Variants in THRB observed in about 807,000 individuals in gnomAD.
THRB encodes the protein nuclear receptor subfamily 1 group A member 2.
A neutral mutation model predicts 47.8 loss-of-function variants in THRB; 12 were observed. That is an observed-to-expected ratio of 0.25 (90% CI 0.16 to 0.41). The LOEUF (loss-of-function observed/expected upper bound fraction) is 0.41, where lower values mean the gene tolerates loss of function less well. Among genes scored for constraint, THRB ranks in the 10% least tolerant of loss-of-function variants. The pLI is 1.00. For synonymous variants in THRB, 218 were observed against 212.2 expected (o/e 1.03, Z -0.24); for missense variants, 348 against 589.2 (o/e 0.59, Z 4.24).
chr3:24,119,966 C>T lies in THRB; in HGVS notation c.*2918G>A, dbSNP rs2031374432. The T allele has an allele frequency of 6.6e-6, 1 of 152,182 alleles. No individual in the cohort carries two copies. 9.4% of individuals were successfully genotyped at this position (152,182 alleles called of 1,614,324 possible). On this transcript the variant is annotated 3_prime_UTR_variant, in exon 11 of 11. Transcript: ENST00000646209. ...ATCCCAGCATAATGGGTGTGTTCTC[C>T]TCTACTGAGACGTCTCCCTGCCGAG...
At chr3:24,218,899 A>G (rs897394308) in intron 4 of THRB, among the ~76,000 whole-genome samples, 3 of 152,194 alleles carry the variant, frequency 2.0e-5, no homozygotes, top group East Asian at 1.9e-4. Flanking sequence ...ATTAAAAATA[A>G]TAAGTATATA....
intron 3 of THRB, among the ~76,000 whole-genome samples, chr3:24,238,283 G>A (rs1397310663): frequency 2.4e-5 from 3 of 125,336 alleles, no homozygotes; most frequent in African/African-American, 8.7e-5. Context: ...GTGTGTGGGG[G>A]GGGGGGGGGT....
chr3:24,195,822 T>C (rs2043886341), intron 4 of THRB, among the ~76,000 whole-genome samples: 1 of 152,168 alleles, frequency 6.6e-6, no homozygotes, highest in Non-Finnish European at 1.5e-5. Flanking sequence ...TCCAAATCCT[T>C]ATATCACCAG....
intron 5 of THRB, among the ~76,000 whole-genome samples, chr3:24,186,635 G>A (rs989602335): frequency 3.9e-5 from 6 of 152,050 alleles, no homozygotes; most frequent in Admixed American, 1.3e-4. Flanking sequence ...AGAAGCATAG[G>A]TATATGCAGG....
intron 2 of THRB, among the ~76,000 whole-genome samples, chr3:24,333,153 C>T (rs1260242087): frequency 6.6e-6 from 1 of 152,056 alleles, no homozygotes; most frequent in Admixed American, 6.5e-5. Context: ...TATTTTCTAA[C>T]TTGTGAACAG....
intron 1 of THRB, among the ~76,000 whole-genome samples, chr3:24,393,823 G>A (rs572008729): frequency 6.6e-6 from 1 of 152,136 alleles, no homozygotes; most frequent in East Asian, 1.9e-4. Flanking sequence ...AGATGGATCT[G>A]ATGTGTCCAG....
At chr3:24,202,575 A>G (rs910230364) in intron 4 of THRB, among the ~76,000 whole-genome samples, 3 of 152,186 alleles carry the variant, frequency 2.0e-5, no homozygotes, top group Non-Finnish European at 4.4e-5. Context: ...TGAAGAATCA[A>G]TTTGTTTCTT....
intron 5 of THRB, among the ~76,000 whole-genome samples, chr3:24,172,030 T>C (rs954220549): frequency 6.6e-6 from 1 of 152,174 alleles, no homozygotes; most frequent in African/African-American, 2.4e-5. Context: ...ACATTAATGC[T>C]CCTCTCTTGG....
intron 1 of THRB, among the ~76,000 whole-genome samples, chr3:24,360,181 C>A (rs1300031799): frequency 6.6e-6 from 1 of 152,144 alleles, no homozygotes; most frequent in African/African-American, 2.4e-5. Flanking sequence ...GTGCTTTACA[C>A]ATGTTTATTA....
intron 1 of THRB, among the ~76,000 whole-genome samples, chr3:24,349,361 C>T (rs922964592): frequency 1.3e-5 from 2 of 151,600 alleles, no homozygotes; most frequent in South Asian, 4.2e-4. Flanking sequence ...TAAACTAATT[C>T]TAAGATATAT....
chr3:24,328,208 A>G (rs1237204042), intron 2 of THRB, among the ~76,000 whole-genome samples: 2 of 152,174 alleles, frequency 1.3e-5, no homozygotes, highest in African/African-American at 4.8e-5. Context: ...TTGTAAAATA[A>G]TTTTCCTATA....
intron 5 of THRB, among the ~76,000 whole-genome samples, 165 bp from the exon 6 acceptor site, chr3:24,152,655 T>C (rs2037152569): frequency 6.6e-6 from 1 of 151,250 alleles, no homozygotes; most frequent in African/African-American, 2.4e-5. Flanking sequence ...ACTCATAGAG[T>C]TAACATAGGC....
intron 5 of THRB, among the ~76,000 whole-genome samples, chr3:24,174,840 C>T (rs1185647327): frequency 1.3e-5 from 2 of 152,164 alleles, no homozygotes; most frequent in African/African-American, 2.4e-5. Flanking sequence ...GATAAGGAAA[C>T]TGAGACTCAG....
intron 3 of THRB, among the ~76,000 whole-genome samples, chr3:24,245,118 A>G (rs908383997): frequency 6.6e-6 from 1 of 152,192 alleles, no homozygotes; most frequent in Non-Finnish European, 1.5e-5. Flanking sequence ...GACTGCTGCT[A>G]TGTGTCTGGA....
At position 24,341,448 on chromosome 3, in the gene THRB, G is replaced by A. The variant is rs138451465; in HGVS notation, c.-260-4077C>T. Among the ~76,000 whole-genome samples, 693 of 152,012 alleles carry A rather than the reference G, an allele frequency of 4.6e-3. 7 individuals carry two copies. The highest frequency in any genetic ancestry group is 0.016 in the African/African-American group (666 of 41,468). ...TTTTGCCATGCATGTTGCCCAGGCT[G>A]GTCTCGAACTCCTGAGCTCAAGCGA... is the stretch of plus-strand genomic sequence containing the variant. On this transcript the variant is annotated intron_variant, in intron 1 of 10. Coordinates refer to ENST00000646209, the MANE Select transcript of THRB (RefSeq NM_001354712.2).
intron 8 of THRB, among the ~76,000 whole-genome samples, chr3:24,136,129 AAGG>A (rs2034642817): frequency 6.6e-6 from 1 of 152,048 alleles, no homozygotes; most frequent in African/African-American, 2.4e-5. Flanking sequence ...GATTTGAAAA[AAGG>A]AGAGAAAGTA....
intron 1 of THRB, chr3:24,494,016 C>G (rs1698605857): frequency 6.6e-6 from 1 of 152,404 alleles, no homozygotes; most frequent in Non-Finnish European, 1.5e-5. Flanking sequence ...CCAAGAGAAG[C>G]AAAGCGAAGG....
intron 3 of THRB, among the ~76,000 whole-genome samples, chr3:24,280,685 T>C (rs576443635): frequency 6.6e-6 from 1 of 152,046 alleles, no homozygotes; most frequent in East Asian, 1.9e-4. Context: ...GTTGAAAACT[T>C]TGAAAAAAAC....
At chr3:24,474,263 A>G (rs1015424745) in intron 1 of THRB, among the ~76,000 whole-genome samples, 1 of 152,234 alleles carries the variant, frequency 6.6e-6, no homozygotes, top group Non-Finnish European at 1.5e-5. Context: ...GAGCAAGTAC[A>G]GTACTCCTTC....
Sources: gnomAD v4.1 joint callset for allele counts (sites outside exome capture counted in the v4.1 genomes callset) on GRCh38, gnomAD v4.1.1 for gene constraint, MANE v1.5 for transcripts, NCBI Gene and HGNC (gene_info 2026-07-23, HGNC 2026-07-21) for gene names.